SLC4A4: variants seen among roughly 807,000 people sequenced by gnomAD.
SLC4A4 encodes the protein solute carrier family 4 member 4.
A neutral mutation model predicts 111.5 loss-of-function variants in SLC4A4; 27 were observed. That is an observed-to-expected ratio of 0.24 (90% CI 0.18 to 0.33). SLC4A4 has a LOEUF of 0.33. SLC4A4 is among the 10% of genes least tolerant of loss of function. SLC4A4 has a pLI of 1.00. For missense variants in SLC4A4, 909 were observed against 1,315.5 expected, an observed-to-expected ratio of 0.69 and a Z score of 4.78; for synonymous variants, 443 against 463.4, an observed-to-expected ratio of 0.96 and a Z score of 0.57.
intron 20 of SLC4A4, among the ~76,000 whole-genome samples, chr4:71,554,652 T>G (rs564739947): frequency 6.6e-6 from 1 of 151,782 alleles, no homozygotes; most frequent in Non-Finnish European, 1.5e-5. Flanking sequence ...TTTATTTTAT[T>G]GAAAGAGGCA....
intron 13 of SLC4A4, among the ~76,000 whole-genome samples, chr4:71,468,949 T>C (rs1004912609): frequency 3.9e-5 from 6 of 152,022 alleles, no homozygotes; most frequent in African/African-American, 1.4e-4. Context: ...TTCACTGGAC[T>C]CAAACTCTGC....
intron 20 of SLC4A4, among the ~76,000 whole-genome samples, chr4:71,550,709 A>G (rs1735912172): frequency 6.6e-6 from 1 of 151,932 alleles, no homozygotes; most frequent in Admixed American, 6.6e-5. Context: ...CATTTCTGCA[A>G]ACTCCATATA....
At chr4:71,063,976 A>G (rs932258926) in intron 1 of SLC4A4, among the ~76,000 whole-genome samples, 25 of 151,990 alleles carry the variant, frequency 1.6e-4, no homozygotes, top group African/African-American at 6.1e-4. Context: ...TTTATTGTTT[A>G]CAAAGGACCT....
intron 2 of SLC4A4, among the ~76,000 whole-genome samples, chr4:71,120,767 G>T (rs1323175990): frequency 3.3e-5 from 5 of 152,186 alleles, no homozygotes; most frequent in Non-Finnish European, 7.4e-5. Context: ...AGAGGTGACA[G>T]CATGCTGGCA....
chr4:71,353,031 C>G (rs961285758), intron 5 of SLC4A4, among the ~76,000 whole-genome samples: 6 of 152,148 alleles, frequency 3.9e-5, no homozygotes, highest in Non-Finnish European at 1.5e-5. Flanking sequence ...AACTAACTGA[C>G]CGTTTTCATG....
intron 3 of SLC4A4, among the ~76,000 whole-genome samples, chr4:71,283,988 T>C (rs1274439059): frequency 1.3e-5 from 2 of 152,162 alleles, no homozygotes; most frequent in Admixed American, 1.3e-4. Flanking sequence ...AAGTCATTTT[T>C]CCCCCTTTGT....
chr4:71,391,524 T>G (rs935685239), intron 6 of SLC4A4, among the ~76,000 whole-genome samples: 3 of 152,126 alleles, frequency 2.0e-5, no homozygotes, highest in Non-Finnish European at 4.4e-5. Context: ...ATTTTCAAAC[T>G]TAGTACAGAA....
intron 3 of SLC4A4, chr4:71,300,723 A>AG: frequency 2.7e-6 from 1 of 373,182 alleles, no homozygotes; most frequent in Non-Finnish European, 5.4e-6. Flanking sequence ...CAGCTTCTGG[A>AG]GGGGGCCTGG....
chr4:71,178,653 A>G (rs958612348), intron 2 of SLC4A4, among the ~76,000 whole-genome samples: 7 of 152,238 alleles, frequency 4.6e-5, no homozygotes, highest in African/African-American at 1.4e-4. Context: ...AGACTAAACC[A>G]GGAAGAAGTT....
intron 2 of SLC4A4, among the ~76,000 whole-genome samples, chr4:71,131,180 T>A (rs9790462): frequency 0.58 from 87,561 of 152,112 alleles, 29,371 homozygotes; most frequent in Non-Finnish European, 0.72. Context: ...CATCTCATAC[T>A]AGTTTGGCAT....
chr4:71,312,545 C>T (rs568645163), intron 3 of SLC4A4, among the ~76,000 whole-genome samples: 25 of 152,332 alleles, frequency 1.6e-4, no homozygotes, highest in Admixed American at 8.5e-4. Flanking sequence ...CAAACCAAAT[C>T]AAGCAGCACA....
intron 6 of SLC4A4, among the ~76,000 whole-genome samples, chr4:71,374,717 G>T (rs983870062): frequency 6.6e-6 from 1 of 151,686 alleles, no homozygotes; most frequent in Non-Finnish European, 1.5e-5. Flanking sequence ...GAATACTGGG[G>T]ACTTGGAGGA....
chr4:71,498,037 T>C (rs1233743351), intron 16 of SLC4A4, among the ~76,000 whole-genome samples: 1 of 152,142 alleles, frequency 6.6e-6, no homozygotes, highest in Non-Finnish European at 1.5e-5. Flanking sequence ...TCAAAAACTC[T>C]TCATGTTTAT....
At chr4:71,088,978 T>C (rs1742288903) in intron 1 of SLC4A4, among the ~76,000 whole-genome samples, 1 of 152,122 alleles carries the variant, frequency 6.6e-6, no homozygotes, top group Non-Finnish European at 1.5e-5. Flanking sequence ...GAAGTTCTCA[T>C]AGACAATATC....
chr4:71,414,237 A>G (rs1211511179), intron 7 of SLC4A4, among the ~76,000 whole-genome samples: 2 of 152,192 alleles, frequency 1.3e-5, no homozygotes, highest in Admixed American at 6.5e-5. Flanking sequence ...AAGAGCCCTG[A>G]CATCTCTGTT....
chr4:71,528,781 A>T (rs1241093118), intron 16 of SLC4A4, among the ~76,000 whole-genome samples: 1 of 152,058 alleles, frequency 6.6e-6, no homozygotes, highest in East Asian at 1.9e-4. Context: ...AATATTATGG[A>T]AAATATCAAA....
chr4:71,358,179 G>T (rs1449019457), intron 6 of SLC4A4, among the ~76,000 whole-genome samples: 3 of 152,120 alleles, frequency 2.0e-5, no homozygotes, highest in African/African-American at 7.2e-5. Context: ...ACCTGGGTGT[G>T]GTGGCACGCA....
intron 3 of SLC4A4, among the ~76,000 whole-genome samples, chr4:71,334,858 G>C (rs1578860681): frequency 6.6e-6 from 1 of 152,214 alleles, no homozygotes; most frequent in East Asian, 1.9e-4. Flanking sequence ...CTGTGGAGGA[G>C]AGCCGAGCAG....
At chr4:71,338,381 T>A (rs983453305) in intron 3 of SLC4A4, among the ~76,000 whole-genome samples, 2 of 152,178 alleles carry the variant, frequency 1.3e-5, no homozygotes, top group African/African-American at 4.8e-5. Flanking sequence ...ATAATAAATA[T>A]ATTTGTGTGT....
Sources: gnomAD v4.1 joint callset for allele counts (sites outside exome capture counted in the v4.1 genomes callset) on GRCh38, gnomAD v4.1.1 for gene constraint, MANE v1.5 for transcripts, NCBI Gene and HGNC (gene_info 2026-07-23, HGNC 2026-07-21) for gene names.